Variants in MACROD2 observed in about 807,000 individuals in gnomAD.
The protein encoded by MACROD2 is mono-ADP ribosylhydrolase 2, also known as ADP-ribose glycohydrolase MACROD2.
A neutral mutation model predicts 70.4 loss-of-function variants in MACROD2; 36 were observed. That is an observed-to-expected ratio of 0.51 (90% confidence interval 0.39 to 0.68). The LOEUF is 0.68. MACROD2 is among the 30% of genes least tolerant of loss of function. The probability of loss-of-function intolerance (pLI) is 0.00; values close to 1 mark genes in which losing one functional copy is unlikely to be tolerated. For synonymous variants in MACROD2, 172 were observed against 178.8 expected, an observed-to-expected ratio of 0.96 and a Z score of 0.30; for missense variants, 496 against 538.4, an observed-to-expected ratio of 0.92 and a Z score of 0.78.
intron 5 of MACROD2, among the ~76,000 whole-genome samples, chr20:14,942,107 G>A (rs2074395537): frequency 6.6e-6 from 1 of 151,878 alleles, no homozygotes; most frequent in Non-Finnish European, 1.5e-5. Context: ...CCAACATTCT[G>A]ATCTTCTGTA....
chr20:14,524,999 C>T, intron 4 of MACROD2, among the ~76,000 whole-genome samples: 1 of 152,080 alleles, frequency 6.6e-6, no homozygotes, highest in Non-Finnish European at 1.5e-5. Context: ...CCCCCATTTT[C>T]TTATCTTTAT....
At chr20:15,217,285 T>A (rs745513767) in intron 5 of MACROD2, among the ~76,000 whole-genome samples, 7 of 152,216 alleles carry the variant, frequency 4.6e-5, no homozygotes, top group East Asian at 1.9e-4. Context: ...GTACTAGTGA[T>A]AAGTAGTACT....
At chr20:15,296,472 T>A (rs2077589927) in intron 6 of MACROD2, among the ~76,000 whole-genome samples, 2 of 152,172 alleles carry the variant, frequency 1.3e-5, no homozygotes, top group South Asian at 4.1e-4. Context: ...AATTATATGA[T>A]GTTTCTGTGG....
intron 3 of MACROD2, among the ~76,000 whole-genome samples, chr20:14,331,309 G>A (rs942322132): frequency 2.5e-4 from 38 of 152,120 alleles, no homozygotes; most frequent in African/African-American, 8.2e-4. Context: ...CCCAGAGAAT[G>A]AAAGAGTTCT....
intron 3 of MACROD2, among the ~76,000 whole-genome samples, chr20:14,095,807 A>G (rs2054216235): frequency 6.6e-6 from 1 of 152,202 alleles, no homozygotes; most frequent in East Asian, 1.9e-4. Flanking sequence ...ACTATAGGTC[A>G]GTTAGTGAAG....
chr20:14,363,816 C>CAAAAAAAA (rs569929488), intron 3 of MACROD2, among the ~76,000 whole-genome samples: 35 of 71,560 alleles, frequency 4.9e-4, no homozygotes, highest in African/African-American at 1.1e-3. Context: ...GACTCTGTCT[C>CAAAAAAAA]AAAAAAAAAA....
At chr20:15,339,273 T>C (rs975333550) in intron 6 of MACROD2, among the ~76,000 whole-genome samples, 1 of 151,876 alleles carries the variant, frequency 6.6e-6, no homozygotes, top group Non-Finnish European at 1.5e-5. Flanking sequence ...ATAGGTTAGG[T>C]GTATTCTGAT....
intron 5 of MACROD2, among the ~76,000 whole-genome samples, chr20:14,866,771 G>A (rs1364047421): frequency 6.6e-6 from 1 of 152,094 alleles, no homozygotes; most frequent in East Asian, 1.9e-4. Context: ...GTTTTTGAAT[G>A]TGGGTAGGAA....
intron 8 of MACROD2, among the ~76,000 whole-genome samples, chr20:15,536,751 G>A (rs2047880117): frequency 6.6e-6 from 1 of 152,082 alleles, no homozygotes; most frequent in Non-Finnish European, 1.5e-5. Context: ...GTGCGTTTCT[G>A]GTGGTTCTGA....
intron 3 of MACROD2, among the ~76,000 whole-genome samples, chr20:14,471,405 G>A (rs2084529419): frequency 6.6e-6 from 1 of 152,160 alleles, no homozygotes; most frequent in Admixed American, 6.5e-5. Flanking sequence ...ATTTTGACAT[G>A]CTGAATGACA....
At chr20:14,184,362 C>A (rs895516893) in intron 3 of MACROD2, among the ~76,000 whole-genome samples, 3 of 152,198 alleles carry the variant, frequency 2.0e-5, no homozygotes, top group Non-Finnish European at 4.4e-5. Context: ...TTTCTGGTTT[C>A]TCTATTCTGT....
intron 5 of MACROD2, among the ~76,000 whole-genome samples, chr20:15,033,969 T>C (rs2075294609): frequency 1.3e-5 from 2 of 152,156 alleles, no homozygotes; most frequent in Non-Finnish European, 2.9e-5. Context: ...TCTAACAACA[T>C]CAGTGTATAT....
intron 3 of MACROD2, among the ~76,000 whole-genome samples, chr20:14,205,529 G>A (rs572884192): frequency 1.1e-4 from 16 of 152,290 alleles, no homozygotes; most frequent in Middle Eastern, 3.4e-3. Flanking sequence ...CCACCCTTCC[G>A]GTGCGCATGC....
At chr20:14,216,454 G>T (rs2081623498) in intron 3 of MACROD2, among the ~76,000 whole-genome samples, 1 of 152,070 alleles carries the variant, frequency 6.6e-6, no homozygotes, top group Non-Finnish European at 1.5e-5. Flanking sequence ...CTTCAGATTT[G>T]TTCTTTTTGC....
chr20:15,831,461 G>C (rs928756497), intron 8 of MACROD2, among the ~76,000 whole-genome samples: 12 of 152,134 alleles, frequency 7.9e-5, no homozygotes, highest in African/African-American at 2.9e-4. Context: ...TGTCTCCCTG[G>C]CTTGACCCAT....
intron 5 of MACROD2, among the ~76,000 whole-genome samples, chr20:14,891,784 A>C (rs2073764081): frequency 6.6e-6 from 1 of 152,184 alleles, no homozygotes; most frequent in Non-Finnish European, 1.5e-5. Context: ...ATATAGCAAC[A>C]ATAAAAGATG....
chr20:15,582,335 C>T (rs1485653695), intron 8 of MACROD2, among the ~76,000 whole-genome samples: 2 of 152,084 alleles, frequency 1.3e-5, no homozygotes, highest in African/African-American at 4.8e-5. Context: ...TAGGAATTCA[C>T]CTAGTGCTTG....
chr20:14,486,580 C>T (rs1466031168), intron 3 of MACROD2, among the ~76,000 whole-genome samples: 3 of 130,566 alleles, frequency 2.3e-5, no homozygotes, highest in Non-Finnish European at 3.1e-5. Context: ...AGTGCAGTGG[C>T]GTGATCTCGG....
intron 8 of MACROD2, among the ~76,000 whole-genome samples, chr20:15,579,974 G>A (rs79189991): frequency 5.9e-4 from 90 of 152,166 alleles, no homozygotes; most frequent in Middle Eastern, 6.8e-3. Context: ...CATCACTTCC[G>A]GAATGCAAGA....
Sources: allele counts gnomAD v4.1 joint callset (sites outside exome capture counted in the v4.1 genomes callset), GRCh38; gene constraint gnomAD v4.1.1; transcripts MANE v1.5; gene names NCBI Gene and HGNC (gene_info 2026-07-23, HGNC 2026-07-21).